Variants in PRIM1 observed in about 807,000 individuals in gnomAD.
PRIM1 encodes the protein DNA primase subunit 1.
A neutral mutation model predicts 60.2 loss-of-function variants in PRIM1; 38 were observed. The observed-to-expected ratio is 0.63, with a 90% CI of 0.49 to 0.83. PRIM1 has a LOEUF of 0.83. Among genes scored for constraint, PRIM1 ranks in the 40% least tolerant of loss-of-function variants. The probability of loss-of-function intolerance (pLI) is 0.00; values close to 1 mark genes in which losing one functional copy is unlikely to be tolerated. For missense variants in PRIM1, 388 were observed against 506.2 expected, an observed-to-expected ratio of 0.77 and a Z score of 2.24; for synonymous variants, 158 against 160.2, an observed-to-expected ratio of 0.99 and a Z score of 0.10.
At position 56,735,804 on chromosome 12, in the gene PRIM1, C is replaced by T. The variant is rs543695478; in HGVS notation, c.1145-1559G>A. Among the ~76,000 whole-genome samples, 38 of 151,530 alleles carry T rather than the reference C, an allele frequency of 2.5e-4. No individual in the cohort carries two copies. In the East Asian group the frequency reaches 3.4e-3, roughly 13 times the overall value. On this transcript the variant is annotated intron_variant, in intron 11 of 12. Transcript: ENST00000338193. ...TAGCTAGGATTATAGGCGCCCGCCA[C>T]GACGCCCAGATAATTTTTGTATTTT... is the stretch of plus-strand genomic sequence containing the variant.
rs751759647 is a variant in PRIM1 at position 56,746,787 on chromosome 12, A to G, written c.436T>C (p.Leu146=). 20 of 1,613,748 alleles carry G rather than the reference A, an allele frequency of 1.2e-5. No homozygotes were observed. The highest frequency in any genetic ancestry group is 1.1e-4 in the South Asian group (10 of 91,058). The change falls in exon 4 of 13, where the codon TTG becomes CTG. Residue 146 remains leucine (L), a synonymous_variant. Transcript: ENST00000338193. The part of the protein sequence containing the change: ...TMAIRIIDRA[L]KEDFGFKHRL... ...AGAAACTGCTGATACTTGCCCTTCA[A>G]TGCTCTGTCAATGATGCGTATGGCC... is the stretch of plus-strand genomic sequence containing the variant.
intron 5 of PRIM1, among the ~76,000 whole-genome samples, chr12:56,745,569 T>C (rs573728183): frequency 3.0e-4 from 45 of 152,120 alleles, no homozygotes; most frequent in South Asian, 1.2e-3. Flanking sequence ...AAATGAAATA[T>C]CTTAAAACAT....
chr12:56,739,690 C>T (rs888545592), intron 9 of PRIM1, among the ~76,000 whole-genome samples: 3 of 152,156 alleles, frequency 2.0e-5, no homozygotes, highest in African/African-American at 7.2e-5. Context: ...ACGTGAGCTA[C>T]TGCTCCTGGC....
At position 56,739,328 on chromosome 12, in the gene PRIM1, C is replaced by T. The variant is rs372543259; in HGVS notation, c.1018G>A (p.Asp340Asn). The change falls in exon 10 of 13, where the codon GAC becomes AAC. Residue 340 changes from aspartate (D) to asparagine (N), a missense_variant. Asp to Asn is a conservative substitution (Grantham distance 23). Coordinates refer to ENST00000338193, the MANE Select transcript of PRIM1 (RefSeq NM_000946.3). ...ISVPIDLQKV[D>N]QFDPFTVPTI... ...GGAACAGTAAATGGATCAAACTGGT[C>T]CACTTTCTGCAAATCAATAGGCACA... 56 of 1,581,480 alleles carry T rather than the reference C, an allele frequency of 3.5e-5. No homozygotes were observed. The African/African-American group carries it at 5.8e-4, about 16-fold the overall frequency.
intron 11 of PRIM1, among the ~76,000 whole-genome samples, chr12:56,735,942 CGCCTG>C (rs1192213580): frequency 6.6e-6 from 1 of 151,992 alleles, no homozygotes; most frequent in African/African-American, 2.4e-5. Flanking sequence ...TCAGCCACTA[CGCCTG>C]GCCTGCATTA....
Position 56,751,202 on chromosome 12 carries a change from A to G in PRIM1, c.104-7T>C. 1 of 1,513,654 alleles carries G rather than the reference A, an allele frequency of 6.6e-7. No individual in the cohort carries two copies. The highest frequency in any genetic ancestry group is 1.3e-5 in the South Asian group (1 of 78,678). The allele number at this position is 1,513,654 out of a possible 1,614,324, so 93.8% of individuals were successfully genotyped here. ...TGAAAGTAATTCTTTATCACTGCAA[A>G]ATAAATGTACATTTTAAAGTTAATT... On this transcript the variant is annotated splice_region_variant and splice_polypyrimidine_tract_variant and intron_variant, in intron 1 of 12. Coordinates refer to ENST00000338193, the MANE Select transcript of PRIM1 (RefSeq NM_000946.3).
intron 6 of PRIM1, chr12:56,743,564 T>A (rs1172303666): frequency 6.4e-6 from 1 of 156,666 alleles, no homozygotes; most frequent in Non-Finnish European, 1.4e-5. Flanking sequence ...GTAGAGTGCA[T>A]GCTGTTCTCC....
chr12:56,736,017 G>T (rs1206919724), intron 11 of PRIM1, among the ~76,000 whole-genome samples: 2 of 151,522 alleles, frequency 1.3e-5, no homozygotes, highest in African/African-American at 4.8e-5. Flanking sequence ...TTTAATATAG[G>T]CAGGGTGCGG....
intron 5 of PRIM1, among the ~76,000 whole-genome samples, chr12:56,745,163 G>A (rs754254002): frequency 1.3e-5 from 2 of 151,610 alleles, no homozygotes; most frequent in African/African-American, 4.9e-5. Flanking sequence ...TGTAATCTCA[G>A]CATTTTGGGA....
At chr12:56,734,042 T>C (rs1421408422) in intron 12 of PRIM1, 105 bp downstream of exon 12, 1 of 693,068 alleles carries the variant, frequency 1.4e-6, no homozygotes, top group African/African-American at 1.8e-5. Flanking sequence ...AAGATAAATC[T>C]GTAAATTTTG....
At chr12:56,745,232 T>C (rs529943948) in intron 5 of PRIM1, among the ~76,000 whole-genome samples, 4 of 151,986 alleles carry the variant, frequency 2.6e-5, no homozygotes, top group South Asian at 2.1e-4. Flanking sequence ...GGCAATATAG[T>C]GAGACCTTGT....
At chr12:56,747,198 T>C (rs150829142) in intron 2 of PRIM1, among the ~76,000 whole-genome samples, 166 bp from the exon 3 acceptor site, 19 of 152,290 alleles carry the variant, frequency 1.2e-4, no homozygotes, top group African/African-American at 4.1e-4. Context: ...ACATACACTA[T>C]TGATGAGAGT....
chr12:56,743,287 C>A (rs1160873134), intron 6 of PRIM1, among the ~76,000 whole-genome samples, 191 bp from the exon 7 acceptor site: 1 of 152,142 alleles, frequency 6.6e-6, no homozygotes, highest in Non-Finnish European at 1.5e-5. Context: ...GGGAAAAGAA[C>A]CTGACATAGA....
At chr12:56,743,983 G>A in intron 6 of PRIM1, 82 bp downstream of exon 6, 3 of 988,096 alleles carry the variant, frequency 3.0e-6, no homozygotes, top group South Asian at 1.5e-5. Context: ...ACCCAGCAGT[G>A]AAAATTGATA....
intron 2 of PRIM1, among the ~76,000 whole-genome samples, chr12:56,747,591 C>T (rs1426178704): frequency 1.3e-5 from 2 of 152,098 alleles, no homozygotes; most frequent in Admixed American, 6.6e-5. Flanking sequence ...ACTAAAGATA[C>T]AAAAAATAGC....
chr12:56,744,218 T>C lies in PRIM1; in HGVS notation c.580-95A>G. The C allele has an allele frequency of 8.4e-6, 8 of 950,728 alleles. No individual in the cohort carries two copies. In the South Asian group the frequency reaches 1.1e-4, roughly 13 times the overall value. 58.9% of individuals were successfully genotyped at this position (950,728 alleles called of 1,614,324 possible). On this transcript the variant is annotated intron_variant, in intron 5 of 12. Transcript: ENST00000338193. ...CATTTTAGTCATGATGGACTGCATA[T>C]AAGATGGTGGGCACGGTGGCTCACA...
chr12:56,741,730 T>C lies in PRIM1; in HGVS notation c.840+16A>G. 1.2e-6 allele frequency: 2 copies of C among 1,608,986 alleles called. No individual in the cohort carries two copies. Among genetic ancestry groups the C allele is most frequent in the South Asian group, 1.1e-5 (1 of 90,674 alleles). The stretch of plus-strand genomic sequence containing the variant: ...TGCATTATTATATCTGTAATACAGA[T>C]TTCAGTGGCATATACCTGATATCTG... On this transcript the variant is annotated intron_variant, in intron 8 of 12. Coordinates refer to ENST00000338193, the MANE Select transcript of PRIM1 (RefSeq NM_000946.3).
intron 9 of PRIM1, among the ~76,000 whole-genome samples, chr12:56,739,681 C>T (rs1210022604): frequency 1.3e-5 from 2 of 152,108 alleles, no homozygotes; most frequent in South Asian, 2.1e-4. Context: ...GGATTATAGA[C>T]GTGAGCTACT....
intron 9 of PRIM1, among the ~76,000 whole-genome samples, chr12:56,740,606 C>G (rs1469755733): frequency 6.6e-6 from 1 of 151,980 alleles, no homozygotes. Context: ...ATGGCAAAAC[C>G]CTGTCTACAA....
Sources: allele counts gnomAD v4.1 joint callset (sites outside exome capture counted in the v4.1 genomes callset), GRCh38; gene constraint gnomAD v4.1.1; transcripts MANE v1.5; gene names NCBI Gene and HGNC (gene_info 2026-07-23, HGNC 2026-07-21).